Variants in ATP8B1 observed in about 807,000 individuals in gnomAD.
ATP8B1 encodes the protein phospholipid-transporting ATPase IC.
Under a neutral mutation model 149.9 loss-of-function variants are expected in ATP8B1, and 80 were observed. The ratio of observed to expected loss-of-function variants is 0.53; its 90% CI spans 0.45 to 0.64. ATP8B1 has a LOEUF of 0.64. ATP8B1 is among the 30% of genes least tolerant of loss of function. ATP8B1 has a pLI of 0.00. For missense variants in ATP8B1, 1,247 were observed against 1,552.6 expected (o/e 0.80, Z 3.31); for synonymous variants, 536 against 562.8 (o/e 0.95, Z 0.67).
intron 1 of ATP8B1, among the ~76,000 whole-genome samples, chr18:57,789,018 C>A (rs1404147707): frequency 6.6e-6 from 1 of 152,170 alleles, no homozygotes; most frequent in African/African-American, 2.4e-5. Flanking sequence ...CTTGAATATA[C>A]AGGAAGTCCA....
chr18:57,675,776 G>A (rs1911547983), intron 15 of ATP8B1, among the ~76,000 whole-genome samples: 1 of 152,130 alleles, frequency 6.6e-6, no homozygotes, highest in South Asian at 2.1e-4. Flanking sequence ...CACGATCATG[G>A]CTCACTGAAG....
At chr18:57,711,105 G>A (rs1234191898) in intron 2 of ATP8B1, among the ~76,000 whole-genome samples, 1 of 152,206 alleles carries the variant, frequency 6.6e-6, no homozygotes, top group Non-Finnish European at 1.5e-5. Flanking sequence ...CTCTGAGGTA[G>A]CCTTTATGGA....
chr18:57,652,165 A>G lies in ATP8B1; in HGVS notation c.3269T>C (p.Leu1090Ser). 2.5e-6 allele frequency: 4 copies of G among 1,614,206 alleles called. No homozygotes were observed. In the South Asian group the frequency reaches 4.4e-5, roughly 18 times the overall value. The change falls in exon 26 of 28, where the codon TTG (leucine) becomes TCG (serine). Residue 1090 changes from leucine (L) to serine (S), a missense_variant. Physicochemically the swap from Leu to Ser is moderately radical, Grantham distance 145 (BLOSUM62 -2). Around this residue, in one of 3 missense-constraint regions of ATP8B1, gnomAD observed 230 missense variants for 356.6 expected, o/e 0.65. Coordinates refer to ENST00000648908, the MANE Select transcript of ATP8B1 (RefSeq NM_001374385.1). ...LVITVNFQIG[L>S]DTSYWTFVNA... ...CACAAAAGTCCAATAAGAAGTATCC[A>G]AGCCAATCTGTTGGGAAACCAGAGA...
intron 16 of ATP8B1, among the ~76,000 whole-genome samples, chr18:57,674,386 C>CTTTT (rs36078409): frequency 0.011 from 1,430 of 128,292 alleles, 55 homozygotes; most frequent in Middle Eastern, 0.035. Flanking sequence ...ATACCAGTTT[C>CTTTT]TTTTTTTTTT....
rs1361571602 is a variant in ATP8B1, at chr18:57,706,414, A to G, written c.279+76T>C. 8.5e-6 allele frequency: 10 copies of G among 1,175,610 alleles called. No individual in the cohort carries two copies. The East Asian group carries it at 2.1e-4, about 25-fold the overall frequency. 72.8% of individuals were successfully genotyped at this position (1,175,610 alleles called of 1,614,324 possible). ...TGGTTACGTGGAAGGCAGGTGTAGC[A>G]TGAAGGTAGTAAGCATGCCAGCTAC... is the stretch of plus-strand genomic sequence containing the variant. On this transcript the variant is annotated intron_variant, in intron 3 of 27. Transcript: ENST00000648908.
At chr18:57,714,167 G>T (rs1381026531) in intron 2 of ATP8B1, among the ~76,000 whole-genome samples, 1 of 152,220 alleles carries the variant, frequency 6.6e-6, no homozygotes, top group African/African-American at 2.4e-5. Context: ...TAGGCCTGTG[G>T]TGGTGGTGGA....
intron 17 of ATP8B1, among the ~76,000 whole-genome samples, 200 bp from the exon 18 acceptor site, chr18:57,669,682 C>G (rs1458919521): frequency 6.6e-6 from 1 of 151,272 alleles, no homozygotes; most frequent in Non-Finnish European, 1.5e-5. Flanking sequence ...CAAGGTCTGG[C>G]TTTATCATCC....
chr18:57,731,055 A>C (rs910109506), intron 2 of ATP8B1, among the ~76,000 whole-genome samples: 6 of 152,036 alleles, frequency 3.9e-5, no homozygotes, highest in Non-Finnish European at 7.3e-5. Flanking sequence ...GGAGTTTGAG[A>C]GGTTGAGGTG....
At chr18:57,791,003 T>C (rs536676829) in intron 1 of ATP8B1, among the ~76,000 whole-genome samples, 1 of 152,212 alleles carries the variant, frequency 6.6e-6, no homozygotes, top group African/African-American at 2.4e-5. Flanking sequence ...ATTACAGGCA[T>C]GAGCCACCGC....
chr18:57,737,084 G>C (rs2079864404), intron 1 of ATP8B1: 1 of 151,600 alleles, frequency 6.6e-6, no homozygotes, highest in South Asian at 2.1e-4. Context: ...GAGTAGTTGA[G>C]ACTATAGGTA....
chr18:57,767,482 G>C (rs775370091), intron 1 of ATP8B1, among the ~76,000 whole-genome samples: 3 of 152,118 alleles, frequency 2.0e-5, no homozygotes, highest in Non-Finnish European at 4.4e-5. Flanking sequence ...CTGTGACTAG[G>C]GGCTAGAAAC....
intron 2 of ATP8B1, among the ~76,000 whole-genome samples, chr18:57,717,594 A>G (rs1346921836): frequency 7.1e-6 from 1 of 140,368 alleles, no homozygotes; most frequent in Admixed American, 7.1e-5. Flanking sequence ...AAAAAGAACT[A>G]GAAAAGCAAG....
chr18:57,786,815 C>T (rs2080414893), intron 1 of ATP8B1, among the ~76,000 whole-genome samples: 1 of 152,152 alleles, frequency 6.6e-6, no homozygotes, highest in Non-Finnish European at 1.5e-5. Flanking sequence ...ATGTGTTCTT[C>T]CAATGGTTCA....
chr18:57,669,276 G>C, intron 18 of ATP8B1, 42 bp downstream of exon 18: 1 of 1,547,156 alleles, frequency 6.5e-7, no homozygotes, highest in Non-Finnish European at 8.8e-7. Flanking sequence ...TTTCAATTCT[G>C]CTTAGAATAT....
intron 2 of ATP8B1, among the ~76,000 whole-genome samples, chr18:57,717,723 T>G (rs11874107): frequency 0.078 from 11,731 of 151,310 alleles, 605 homozygotes; most frequent in Middle Eastern, 0.13. Context: ...CGGTTTTTTG[T>G]TTTGGTTTGG....
At chr18:57,712,596 T>C (rs1245628309) in intron 2 of ATP8B1, among the ~76,000 whole-genome samples, 2 of 152,010 alleles carry the variant, frequency 1.3e-5, no homozygotes, top group Non-Finnish European at 2.9e-5. Context: ...CTACAACTCT[T>C]AGGCAAGTCC....
intron 1 of ATP8B1, among the ~76,000 whole-genome samples, chr18:57,783,159 G>A (rs920246738): frequency 1.3e-5 from 2 of 152,052 alleles, no homozygotes; most frequent in East Asian, 3.9e-4. Context: ...AGGCGGGGAC[G>A]TTCCTAGAAG....
chr18:57,772,725 G>A (rs1363066135), intron 1 of ATP8B1, among the ~76,000 whole-genome samples: 1 of 152,122 alleles, frequency 6.6e-6, no homozygotes, highest in African/African-American at 2.4e-5. Context: ...CAGACCCTAG[G>A]AATTCGGCGC....
rs1004202019 is a variant in ATP8B1 at position 57,703,497 on chromosome 18, G to C, written c.393+1058C>G. Among the ~76,000 whole-genome samples, 3 of 150,028 alleles carry C rather than the reference G, an allele frequency of 2.0e-5. No homozygotes were observed. The East Asian group carries it at 5.9e-4, about 30-fold the overall frequency. ...AGGCAGGAGAATCGCTTGAACCCAAGAGAAGGAGGAGGAGGTTGCAGTGAG... is the reference window on the plus strand; with the variant it reads ...AGGCAGGAGAATCGCTTGAACCCAACAGAAGGAGGAGGAGGTTGCAGTGAG... On this transcript the variant is annotated intron_variant, in intron 4 of 27. Transcript: ENST00000648908.
Sources: allele counts gnomAD v4.1 joint callset (sites outside exome capture counted in the v4.1 genomes callset), GRCh38; gene constraint gnomAD v4.1.1; regional missense constraint gnomAD v4.1.1; transcripts MANE v1.5; gene names NCBI Gene and HGNC (gene_info 2026-07-23, HGNC 2026-07-21).